ALK: variants seen among roughly 807,000 people sequenced by gnomAD.
ALK encodes ALK receptor tyrosine kinase.
A neutral mutation model predicts 163.1 loss-of-function variants in ALK; 74 were observed. The observed-to-expected ratio is 0.45, with a 90% CI of 0.38 to 0.55. The LOEUF (loss-of-function observed/expected upper bound fraction) is 0.55. Among genes scored for constraint, ALK ranks in the 20% least tolerant of loss-of-function variants. ALK has a pLI of 0.00. For missense variants in ALK, 2,063 were observed against 2,105.3 expected (o/e 0.98, Z 0.39); for synonymous variants, 960 against 843.2 (o/e 1.14, Z -2.40).
At chr2:29,372,016 G>T (rs143796381) in intron 5 of ALK, among the ~76,000 whole-genome samples, 1 of 152,326 alleles carries the variant, frequency 6.6e-6, no homozygotes, top group African/African-American at 2.4e-5. Context: ...GTTTGCATTG[G>T]AACTCAATAC....
In ALK at chr2:29,717,697, C is replaced by T. The variant is rs775574527; in HGVS notation, c.668G>A (p.Gly223Asp). ...PRLLFQIFGTGHSSLESPTNM... is the reference protein window; with the variant it reads ...PRLLFQIFGTDHSSLESPTNM... ...TGTTGGTGATTCCAAGGAGCTATGA[C>T]CTGGACATAAAAATAAAGAAAACAC... Residue 223 changes from glycine (G) to aspartate (D), a missense_variant and splice_region_variant, in exon 2 of 29, where the codon GGT (glycine) becomes GAT (aspartate). Gly to Asp is a moderately conservative substitution (Grantham distance 94, BLOSUM62 -1). This residue lies in a region of ALK where 987 missense variants were observed against 939.5 expected (regional missense o/e 1.05). Transcript: ENST00000389048. 3 of 1,614,056 alleles carry T rather than the reference C, an allele frequency of 1.9e-6. No homozygotes were observed. The highest frequency in any genetic ancestry group is 2.2e-5 in the South Asian group (2 of 91,076).
intron 15 of ALK, 131 bp downstream of exon 15, chr2:29,232,172 CG>C (rs765850958): frequency 8.6e-5 from 110 of 1,279,814 alleles, no homozygotes; most frequent in Non-Finnish European, 1.2e-4. Flanking sequence ...CCCTGGATAT[CG>C]GTACCAATAT....
chr2:29,549,468 T>C (rs1034918282), intron 3 of ALK, among the ~76,000 whole-genome samples: 1 of 152,218 alleles, frequency 6.6e-6, no homozygotes, highest in African/African-American at 2.4e-5. Flanking sequence ...CCAGTTGTAG[T>C]TGTGTGTCTA....
chr2:29,781,547 A>G (rs1572374032), intron 1 of ALK, among the ~76,000 whole-genome samples: 1 of 152,356 alleles, frequency 6.6e-6, no homozygotes, highest in East Asian at 1.9e-4. Flanking sequence ...AAGTGACATC[A>G]AATCATTACA....
chr2:29,207,021 C>T, intron 26 of ALK, 150 bp downstream of exon 26: 3 of 701,758 alleles, frequency 4.3e-6, no homozygotes, highest in Non-Finnish European at 5.2e-6. Context: ...TAGATGCTCA[C>T]GTTTGAGAAC....
chr2:29,367,069 G>A (rs890285749), intron 5 of ALK, among the ~76,000 whole-genome samples: 2 of 151,958 alleles, frequency 1.3e-5, no homozygotes, highest in Admixed American at 1.3e-4. Context: ...AATACAAGCC[G>A]AGATATAAGG....
chr2:29,213,901 G>A (rs2148159011), intron 24 of ALK, 83 bp downstream of exon 24: 3 of 1,174,002 alleles, frequency 2.6e-6, no homozygotes, highest in Non-Finnish European at 3.8e-6. Context: ...CTCTGAAGGG[G>A]GAAATGTGAG....
At chr2:29,695,940 G>A (rs59515992) in intron 2 of ALK, among the ~76,000 whole-genome samples, 1 of 152,218 alleles carries the variant, frequency 6.6e-6, no homozygotes, top group African/African-American at 2.4e-5. Context: ...TTCAACCATT[G>A]TGGAAGACAG....
At chr2:29,723,737 C>T (rs779240301) in intron 1 of ALK, among the ~76,000 whole-genome samples, 8 of 152,204 alleles carry the variant, frequency 5.3e-5, no homozygotes, top group Non-Finnish European at 7.3e-5. Context: ...ATAATGTGTG[C>T]ATGACACAGT....
intron 4 of ALK, among the ~76,000 whole-genome samples, chr2:29,440,095 G>T (rs548378888): frequency 1.3e-5 from 2 of 151,964 alleles, no homozygotes; most frequent in South Asian, 2.1e-4. Flanking sequence ...TTAGCCGGAC[G>T]TACTGGTGAG....
At chr2:29,239,653 C>A (rs370588036) in intron 13 of ALK, 27 bp downstream of exon 13, 3 of 1,612,742 alleles carry the variant, frequency 1.9e-6, no homozygotes, top group Non-Finnish European at 1.7e-6. Flanking sequence ...AGAGTGCAGA[C>A]GAGAAACCCC....
At chr2:29,311,022 C>G (rs1283601151) in intron 8 of ALK, among the ~76,000 whole-genome samples, 1 of 152,232 alleles carries the variant, frequency 6.6e-6, no homozygotes, top group Non-Finnish European at 1.5e-5. Context: ...CAGCTTCCTC[C>G]TTTGTATTAG....
intron 3 of ALK, among the ~76,000 whole-genome samples, chr2:29,569,563 T>TC (rs869268912): frequency 1.4e-3 from 109 of 75,982 alleles, no homozygotes; most frequent in South Asian, 3.9e-3. Context: ...TCCCTTTTCT[T>TC]CCCCCCCCCT....
chr2:29,203,870 A>T (rs1460680507), intron 26 of ALK, among the ~76,000 whole-genome samples: 3 of 151,914 alleles, frequency 2.0e-5, no homozygotes, highest in African/African-American at 7.3e-5. Context: ...GGAAATCTTG[A>T]ATGATTGCTC....
chr2:29,581,840 T>C (rs1674701650), intron 3 of ALK, among the ~76,000 whole-genome samples: 1 of 152,212 alleles, frequency 6.6e-6, no homozygotes, highest in African/African-American at 2.4e-5. Context: ...TGCTCAGTGA[T>C]GGCTTAAATG....
intron 4 of ALK, among the ~76,000 whole-genome samples, chr2:29,480,179 T>A (rs924085868): frequency 4.6e-5 from 7 of 152,154 alleles, no homozygotes; most frequent in Non-Finnish European, 8.8e-5. Flanking sequence ...GGACACATAG[T>A]ATACAGGAAA....
chr2:29,730,029 A>C (rs1679691566), intron 1 of ALK, among the ~76,000 whole-genome samples: 1 of 152,220 alleles, frequency 6.6e-6, no homozygotes, highest in Admixed American at 6.5e-5. Context: ...AGGGCAAAGA[A>C]GGTAAGTCGT....
At chr2:29,327,986 G>A (rs1428662809) in intron 6 of ALK, among the ~76,000 whole-genome samples, 2 of 152,152 alleles carry the variant, frequency 1.3e-5, no homozygotes, top group Non-Finnish European at 1.5e-5. Context: ...AGGAGGGAGA[G>A]GATGAGGGGC....
At position 29,227,871 on chromosome 2, in the gene ALK, G is replaced by A. The variant is rs1664056372; in HGVS notation, c.2816-199C>T. Among the ~76,000 whole-genome samples, 1 of 152,176 alleles carries A rather than the reference G, an allele frequency of 6.6e-6. No homozygotes were observed. The highest frequency in any genetic ancestry group is 1.5e-5 in the Non-Finnish European group (1 of 68,030). On this transcript the variant is annotated intron_variant, in intron 16 of 28. Coordinates refer to ENST00000389048, the MANE Select transcript of ALK (RefSeq NM_004304.5). The surrounding 1 kb of genome is among the most constrained non-coding windows in gnomAD (Gnocchi z 4.4). ...ATTTGGCTCAGTAGATGCTGGGTGT[G>A]TGGCTAATTTCCCCTCAGGTCCAGG...
Sources: gnomAD v4.1 joint callset for allele counts (sites outside exome capture counted in the v4.1 genomes callset) on GRCh38, gnomAD v4.1.1 for gene constraint, gnomAD v4.1.1 regional missense constraint, Gnocchi (gnomAD v3.1) non-coding constraint, MANE v1.5 for transcripts, NCBI Gene and HGNC (gene_info 2026-07-23, HGNC 2026-07-21) for gene names.